ACSL4: variants seen among roughly 807,000 people sequenced by gnomAD.
The protein encoded by ACSL4 is acyl-CoA synthetase long chain family member 4, also known as long-chain-fatty-acid--CoA ligase 4.
A neutral mutation model predicts 49.1 loss-of-function variants in ACSL4; 9 were observed. The ratio of observed to expected loss-of-function variants is 0.18; its 90% confidence interval spans 0.11 to 0.32. ACSL4 has a LOEUF of 0.32. Among genes scored for constraint, ACSL4 ranks in the 10% least tolerant of loss-of-function variants. The probability of loss-of-function intolerance (pLI) is 1.00; values close to 1 mark genes in which losing one functional copy is unlikely to be tolerated. For missense variants in ACSL4, 333 were observed against 493.7 expected (o/e 0.67, Z 3.08); for synonymous variants, 191 against 170.3 (o/e 1.12, Z -0.95).
intron 1 of ACSL4, among the ~76,000 whole-genome samples, chrX:109,710,831 C>T (rs1321138513): frequency 1.8e-5 from 2 of 111,708 alleles, no homozygotes. Flanking sequence ...CTGCCTTAGC[C>T]TCCTATAACT....
At chrX:109,654,876 C>A (rs934965324) in intron 15 of ACSL4, among the ~76,000 whole-genome samples, 5 of 111,652 alleles carry the variant, frequency 4.5e-5, no homozygotes, top group African/African-American at 1.6e-4. Flanking sequence ...AGCAGAGACT[C>A]GGGACTCATG....
chrX:109,690,761 G>A (rs759906394), intron 2 of ACSL4, among the ~76,000 whole-genome samples: 5 of 100,425 alleles, frequency 5.0e-5, no homozygotes, highest in East Asian at 3.6e-4. Flanking sequence ...ACATTTTAGG[G>A]GGGGGGGGCC....
chrX:109,655,256 G>A (rs943265584), intron 15 of ACSL4, among the ~76,000 whole-genome samples: 4 of 111,283 alleles, frequency 3.6e-5, no homozygotes, highest in Non-Finnish European at 5.7e-5. Flanking sequence ...AACAGGAGAA[G>A]AAAACTACAT....
At chrX:109,695,487 C>T (rs1925375135) in intron 2 of ACSL4, among the ~76,000 whole-genome samples, 1 of 109,571 alleles carries the variant, frequency 9.1e-6, no homozygotes, top group South Asian at 3.9e-4. Context: ...AAGGCCGAGG[C>T]GGGAGAATAA....
chrX:109,655,075 T>C (rs146006997), intron 15 of ACSL4, among the ~76,000 whole-genome samples: 1,196 of 111,320 alleles, frequency 0.011, 16 homozygotes, highest in Admixed American at 0.058. Context: ...CAGAATGACT[T>C]AAGAGAAAAA....
At chrX:109,713,208 T>C (rs988135699) in intron 1 of ACSL4, among the ~76,000 whole-genome samples, 1 of 111,745 alleles carries the variant, frequency 8.9e-6, no homozygotes, top group Non-Finnish European at 1.9e-5. Context: ...AGCTAGTCAC[T>C]ACAGATATGG....
Position 109,685,088 on chromosome X carries a change from CTTTTTT to C in ACSL4, c.-12-1719_-12-1714del, listed in dbSNP as rs1203140186. Among the ~76,000 whole-genome samples the C allele has an allele frequency of 1.3e-3, 99 of 77,430 alleles. 1 individual carries two copies. In the East Asian group the frequency reaches 0.039, roughly 30 times the overall value. 67.2% of individuals were successfully genotyped at this position (77,430 alleles called of 115,157 possible). A position where few individuals can be genotyped will look rare whatever the true frequency, so the allele number is the denominator to read the frequency against. ...AAGAATAGTAATATTTCTTTTCTTTCTTTTTTTTTTTTTTTTTTTTTTGAGACAAGG... is the reference window on the plus strand; with the variant it reads ...AAGAATAGTAATATTTCTTTTCTTTCTTTTTTTTTTTTTTTTGAGACAAGG... On this transcript the variant is annotated intron_variant, in intron 2 of 15. Transcript: ENST00000672401.
intron 1 of ACSL4, among the ~76,000 whole-genome samples, chrX:109,709,834 C>T (rs775514481): frequency 1.8e-5 from 2 of 112,040 alleles, no homozygotes; most frequent in South Asian, 7.5e-4. Flanking sequence ...AGGCCGGGTG[C>T]GGTGGCTCAC....
intron 1 of ACSL4, among the ~76,000 whole-genome samples, chrX:109,717,776 G>C (rs1396491952): frequency 8.9e-6 from 1 of 111,791 alleles, no homozygotes; most frequent in Non-Finnish European, 1.9e-5. Flanking sequence ...TCACAGCCGT[G>C]TCCAACCCTT....
chrX:109,710,745 T>C (rs1391464737), intron 1 of ACSL4, among the ~76,000 whole-genome samples: 3 of 112,153 alleles, frequency 2.7e-5, no homozygotes, highest in Non-Finnish European at 5.6e-5. Context: ...GGGTCTTGCT[T>C]TGTCACCCAG....
At chrX:109,649,951 G>A (rs1934941295) in intron 15 of ACSL4, among the ~76,000 whole-genome samples, 1 of 108,492 alleles carries the variant, frequency 9.2e-6, no homozygotes, top group Non-Finnish European at 1.9e-5. Flanking sequence ...GGCCATCAGA[G>A]AAATGCAAAT....
At chrX:109,682,088 G>C (rs1924208023) in intron 4 of ACSL4, among the ~76,000 whole-genome samples, 1 of 111,769 alleles carries the variant, frequency 8.9e-6, no homozygotes, top group African/African-American at 3.3e-5. Flanking sequence ...GTACATAGGG[G>C]ATCATTTTCA....
intron 15 of ACSL4, among the ~76,000 whole-genome samples, chrX:109,650,703 A>T (rs1921039495): frequency 8.9e-6 from 1 of 111,889 alleles, no homozygotes; most frequent in African/African-American, 3.2e-5. Flanking sequence ...TACACAAAAG[A>T]GAAGTCCCTT....
intron 1 of ACSL4, among the ~76,000 whole-genome samples, chrX:109,703,888 C>A (rs1231449032): frequency 9.1e-6 from 1 of 109,962 alleles, no homozygotes; most frequent in Non-Finnish European, 1.9e-5. Flanking sequence ...GCCGAGATTG[C>A]ACCACTGCAG....
At chrX:109,644,672 A>G in intron 15 of ACSL4, among the ~76,000 whole-genome samples, 1 of 112,248 alleles carries the variant, frequency 8.9e-6, no homozygotes. Flanking sequence ...GAGAAGGGGG[A>G]GGAGCCAAGA....
chrX:109,676,990 C>T (rs757696305), intron 8 of ACSL4, among the ~76,000 whole-genome samples: 72 of 109,356 alleles, frequency 6.6e-4, no homozygotes, highest in African/African-American at 2.1e-3. Context: ...GACGGAGTCT[C>T]GCTCTGTCGC....
At chrX:109,691,451 C>T (rs982726060) in intron 2 of ACSL4, among the ~76,000 whole-genome samples, 1 of 112,094 alleles carries the variant, frequency 8.9e-6, no homozygotes, top group African/African-American at 3.2e-5. Flanking sequence ...TGTTGCATCA[C>T]AAGGACTTTT....
rs778581549 is a variant in ACSL4 at position 109,645,680 on chromosome X, C to T, written c.1856-1494G>A. Among the ~76,000 whole-genome samples, 626 of 112,381 alleles carry T rather than the reference C, an allele frequency of 5.6e-3. 6 individuals are homozygous for T. Among genetic ancestry groups the T allele is most frequent in the African/African-American group, 0.017 (538 of 30,934 alleles). ...GAACAAAGCTGGACGGAGAATGACT[C>T]TGGCGAGCTGAGAGAAGAAGGCTTC... On this transcript the variant is annotated intron_variant, in intron 15 of 15. Coordinates refer to ENST00000672401, the MANE Select transcript of ACSL4 (RefSeq NM_001318510.2).
intron 1 of ACSL4, 78 bp downstream of exon 1, chrX:109,733,061 C>A (rs980713284): frequency 2.4e-5 from 8 of 328,372 alleles, no homozygotes; most frequent in Non-Finnish European, 4.7e-5. Context: ...GTACGCCAGT[C>A]CCCCTCTGGA....
Sources: gnomAD v4.1 joint callset for allele counts (sites outside exome capture counted in the v4.1 genomes callset) on GRCh38, gnomAD v4.1.1 for gene constraint, MANE v1.5 for transcripts, NCBI Gene and HGNC (gene_info 2026-07-23, HGNC 2026-07-21) for gene names.